AP2B1: variants seen among roughly 807,000 people sequenced by gnomAD.
AP2B1 encodes adaptor related protein complex 2 subunit beta 1.
AP2B1 carries 23 observed loss-of-function variants against 102.0 expected under a neutral mutation model. The observed-to-expected ratio is 0.23, with a 90% CI of 0.16 to 0.32. AP2B1 has a LOEUF of 0.32. Ranked by LOEUF, AP2B1 falls within the 10% of genes least tolerant of loss-of-function variation. The pLI is 1.00. For synonymous variants in AP2B1, 381 were observed against 421.2 expected, an observed-to-expected ratio of 0.90 and a Z score of 1.17; for missense variants, 541 against 1,157.4, an observed-to-expected ratio of 0.47 and a Z score of 7.73.
chr17:35,680,729 C>T (rs1466898853), intron 17 of AP2B1, among the ~76,000 whole-genome samples: 20 of 133,196 alleles, frequency 1.5e-4, no homozygotes, highest in Admixed American at 1.1e-3. Flanking sequence ...GACAGTCTTG[C>T]TCTGTCGCCC....
At chr17:35,673,081 T>C (rs1230475866) in intron 16 of AP2B1, among the ~76,000 whole-genome samples, 1 of 152,210 alleles carries the variant, frequency 6.6e-6, no homozygotes, top group Non-Finnish European at 1.5e-5. Context: ...ACATTTAGGT[T>C]ATTCCCTGGT....
chr17:35,684,151 AG>A (rs923715419), intron 18 of AP2B1, among the ~76,000 whole-genome samples: 3 of 152,216 alleles, frequency 2.0e-5, no homozygotes, highest in African/African-American at 7.2e-5. Context: ...CCAGCTGAAA[AG>A]AAAGTCTCTA....
At chr17:35,706,721 A>G (rs1221210773) in intron 18 of AP2B1, among the ~76,000 whole-genome samples, 7 of 151,664 alleles carry the variant, frequency 4.6e-5, no homozygotes, top group African/African-American at 1.5e-4. Flanking sequence ...GCTCACTGCA[A>G]CCTCTGCCTC....
Position 35,627,436 on chromosome 17 carries a change from T to C in AP2B1, c.990T>C (p.Asp330=). 6.2e-7 allele frequency: 1 copy of C among 1,613,976 alleles called. No individual in the cohort carries two copies. The highest frequency in any genetic ancestry group is 8.5e-7 in the Non-Finnish European group (1 of 1,179,952). ...EIKVFFVKYN[D]PIYVKLEKLD... The stretch of plus-strand genomic sequence containing the variant: ...AAGTCTTCTTTGTGAAGTACAATGA[T>C]CCCATCTATGTTAAACTAGAGAAGT... The change falls in exon 8 of 22, where the codon GAT becomes GAC. Residue 330 remains aspartate (D), a synonymous_variant. Transcript: ENST00000610402.
chr17:35,715,547 G>T (rs1555589452), intron 20 of AP2B1, among the ~76,000 whole-genome samples: 1 of 152,204 alleles, frequency 6.6e-6, no homozygotes, highest in African/African-American at 2.4e-5. Context: ...CTTAAAGCAA[G>T]CCCCTCTGTG....
chr17:35,592,095 T>G (rs958671775), intron 1 of AP2B1, among the ~76,000 whole-genome samples: 13 of 152,070 alleles, frequency 8.5e-5, no homozygotes, highest in Non-Finnish European at 1.9e-4. Flanking sequence ...GAACCAGAAG[T>G]TTTTCATTAT....
At chr17:35,703,784 A>C (rs1430471389) in intron 18 of AP2B1, among the ~76,000 whole-genome samples, 3 of 152,080 alleles carry the variant, frequency 2.0e-5, no homozygotes, top group Non-Finnish European at 4.4e-5. Context: ...CTGATGACAC[A>C]AGTTTACCTA....
At chr17:35,605,059 C>A (rs1182371619) in intron 3 of AP2B1, among the ~76,000 whole-genome samples, 2 of 151,946 alleles carry the variant, frequency 1.3e-5, no homozygotes, top group Non-Finnish European at 2.9e-5. Flanking sequence ...TGTGCACCAC[C>A]ACACCTAGCT....
chr17:35,630,546 T>C (rs2074434221), intron 9 of AP2B1, among the ~76,000 whole-genome samples: 1 of 152,256 alleles, frequency 6.6e-6, no homozygotes, highest in African/African-American at 2.4e-5. Flanking sequence ...CATTGTCTTA[T>C]GACCTACCTC....
At chr17:35,619,606 A>G (rs1435205427) in intron 5 of AP2B1, among the ~76,000 whole-genome samples, 1 of 152,014 alleles carries the variant, frequency 6.6e-6, no homozygotes, top group African/African-American at 2.4e-5. Flanking sequence ...ACACATCTAC[A>G]TGTGCTGCTT....
At chr17:35,692,223 C>T (rs1346964689) in intron 18 of AP2B1, among the ~76,000 whole-genome samples, 3 of 152,030 alleles carry the variant, frequency 2.0e-5, no homozygotes, top group African/African-American at 2.4e-5. Flanking sequence ...GTCACATTAC[C>T]CAAGTAATAG....
chr17:35,660,973 G>GT (rs1238006923), intron 14 of AP2B1, among the ~76,000 whole-genome samples: 5 of 152,206 alleles, frequency 3.3e-5, no homozygotes, highest in Non-Finnish European at 7.3e-5. Flanking sequence ...TATGGCCATA[G>GT]TTAGAATTGT....
At chr17:35,686,861 G>A (rs974421945) in intron 18 of AP2B1, among the ~76,000 whole-genome samples, 12 of 152,302 alleles carry the variant, frequency 7.9e-5, no homozygotes, top group African/African-American at 2.4e-4. Flanking sequence ...AGCTAATTGG[G>A]AGGCTGAGGC....
chr17:35,649,614 A>C (rs2075035986), intron 12 of AP2B1, among the ~76,000 whole-genome samples: 1 of 152,144 alleles, frequency 6.6e-6, no homozygotes, highest in Admixed American at 6.5e-5. Flanking sequence ...TCAACCAGTT[A>C]ACTTTTGCCA....
Position 35,626,561 on chromosome 17 carries a change from A to G in AP2B1, c.717-60A>G, listed in dbSNP as rs949673821. On this transcript the variant is annotated intron_variant, in intron 6 of 21. Coordinates refer to ENST00000610402, the MANE Select transcript of AP2B1 (RefSeq NM_001030006.2). ...ATTAGACTCTGACATATTACCTTAT[A>G]GAATGAATTCAGCAAATAAATTATA... is the stretch of plus-strand genomic sequence containing the variant. 5 of 1,373,480 alleles carry G rather than the reference A, an allele frequency of 3.6e-6. No homozygotes were observed. In the African/African-American group the frequency reaches 7.2e-5, roughly 20 times the overall value. 85.1% of individuals were successfully genotyped at this position (1,373,480 alleles called of 1,614,324 possible).
intron 12 of AP2B1, among the ~76,000 whole-genome samples, chr17:35,642,922 T>A (rs1308645359): frequency 6.6e-6 from 1 of 152,156 alleles, no homozygotes; most frequent in Non-Finnish European, 1.5e-5. Flanking sequence ...CATCAGTGGT[T>A]AATATTATCT....
intron 18 of AP2B1, among the ~76,000 whole-genome samples, chr17:35,705,586 A>G (rs1208621130): frequency 6.6e-6 from 1 of 152,056 alleles, no homozygotes; most frequent in African/African-American, 2.4e-5. Context: ...CAGTGGTGCA[A>G]TCTCAGCTCA....
chr17:35,643,301 T>C (rs2074836801), intron 12 of AP2B1, among the ~76,000 whole-genome samples: 1 of 152,194 alleles, frequency 6.6e-6, no homozygotes, highest in Non-Finnish European at 1.5e-5. Context: ...AATGACATTA[T>C]TAGAGCAGCT....
intron 1 of AP2B1, among the ~76,000 whole-genome samples, chr17:35,592,089 C>G (rs2073118774): frequency 6.6e-6 from 1 of 152,012 alleles, no homozygotes; most frequent in African/African-American, 2.4e-5. Context: ...AGATTTGAAC[C>G]AGAAGTTTTT....
Sources: allele counts gnomAD v4.1 joint callset (sites outside exome capture counted in the v4.1 genomes callset), GRCh38; gene constraint gnomAD v4.1.1; transcripts MANE v1.5; gene names NCBI Gene and HGNC (gene_info 2026-07-23, HGNC 2026-07-21).